Variants in GLIPR1L2 observed in about 807,000 individuals in gnomAD.
GLIPR1L2 encodes the protein GLIPR1-like protein 2.
Under a neutral mutation model 28.4 loss-of-function variants are expected in GLIPR1L2, and 21 were observed. The observed-to-expected ratio is 0.74, with a 90% CI of 0.52 to 1.06. The LOEUF is 1.06. Ranked by LOEUF, GLIPR1L2 falls within the 50% of genes least tolerant of loss-of-function variation. The pLI, the probability that GLIPR1L2 is intolerant of heterozygous loss-of-function variation, is 0.00. For missense variants in GLIPR1L2, 476 were observed against 416.9 expected (o/e 1.14, Z -1.23); for synonymous variants, 145 against 139.3 (o/e 1.04, Z -0.29).
chr12:75,411,492 T>A (rs749481995), intron 2 of GLIPR1L2, among the ~76,000 whole-genome samples: 19 of 151,864 alleles, frequency 1.3e-4, no homozygotes, highest in Non-Finnish European at 2.4e-4. Flanking sequence ...TTCATCAGTT[T>A]TTTTTTTCTG....
intron 3 of GLIPR1L2, among the ~76,000 whole-genome samples, chr12:75,417,677 G>T (rs1476815665): frequency 6.6e-6 from 1 of 151,910 alleles, no homozygotes; most frequent in Non-Finnish European, 1.5e-5. Flanking sequence ...GAATAGAGAA[G>T]AGCCAAGGAA....
At chr12:75,423,092 T>C (rs764775555) in intron 4 of GLIPR1L2, 103 bp downstream of exon 4, 2 of 1,590,378 alleles carry the variant, frequency 1.3e-6, no homozygotes, top group East Asian at 2.3e-5. Flanking sequence ...TATTATTCCT[T>C]TGATCAGAAT....
chr12:75,410,571 T>C lies in GLIPR1L2; in HGVS notation c.372T>C (p.Pro124=). Residue 124 remains proline (P), a synonymous_variant, in exon 2 of 6, where the codon CCT becomes CCC. Coordinates refer to ENST00000550916, the MANE Select transcript of GLIPR1L2 (RefSeq NM_001270396.2). ...YGIGENMWVG[P]ENEFTASIAI... ...TTGGTGAAAATATGTGGGTCGGCCC[T>C]GAAAATGAATTTACTGCAAGTATTG... is the stretch of plus-strand genomic sequence containing the variant. 6.2e-7 allele frequency: 1 copy of C among 1,612,380 alleles called. No individual in the cohort carries two copies. Among genetic ancestry groups the C allele is most frequent in the Non-Finnish European group, 8.5e-7 (1 of 1,178,942 alleles).
rs575580776 is a variant in GLIPR1L2, at chr12:75,418,079, G to A, written c.584+4378G>A. Among the ~76,000 whole-genome samples the A allele has an allele frequency of 2.0e-5, 3 of 152,126 alleles. No individual in the cohort carries two copies. In the East Asian group the frequency reaches 5.8e-4, roughly 29 times the overall value. On this transcript the variant is annotated intron_variant, in intron 3 of 5. Coordinates refer to ENST00000550916, the MANE Select transcript of GLIPR1L2 (RefSeq NM_001270396.2). ...TCATTTAGTTAAATATAATTTTGTT[G>A]TAAGTGTGCCAAAGACATTGCACAT...
chr12:75,407,955 A>T (rs897990354), intron 1 of GLIPR1L2, among the ~76,000 whole-genome samples: 5 of 152,006 alleles, frequency 3.3e-5, no homozygotes, highest in African/African-American at 1.2e-4. Context: ...AATGGAGTCC[A>T]CCAAATGCTA....
intron 3 of GLIPR1L2, among the ~76,000 whole-genome samples, chr12:75,422,255 A>G (rs1386466549): frequency 1.3e-5 from 2 of 151,328 alleles, no homozygotes; most frequent in East Asian, 1.9e-4. Flanking sequence ...TGGCCTCCCA[A>G]AGCACCAGCA....
Position 75,431,099 on chromosome 12 carries a change from GAAGA to G in GLIPR1L2, c.974_977del (p.Glu325GlyfsTer37), listed in dbSNP as rs756305062. On this transcript the variant is annotated frameshift_variant, in exon 6 of 6. Coordinates refer to ENST00000550916, the MANE Select transcript of GLIPR1L2 (RefSeq NM_001270396.2). LOFTEE classifies it low-confidence loss of function (END_TRUNC). ...AATAATGGAAATGGAGGAGGAAAAA[GAAGA>G]GAGAGAGGAGGAGGAGGAGGAAACA... is the stretch of plus-strand genomic sequence containing the variant. The G allele has an allele frequency of 7.7e-6, 9 of 1,165,136 alleles. No individual in the cohort carries two copies. Among genetic ancestry groups the G allele is most frequent in the Middle Eastern group, 2.1e-4 (1 of 4,684 alleles). The allele number at this position is 1,165,136 out of a possible 1,614,324, so 72.2% of individuals were successfully genotyped here.
intron 3 of GLIPR1L2, among the ~76,000 whole-genome samples, chr12:75,415,273 T>G (rs1041081519): frequency 3.6e-4 from 55 of 152,122 alleles, no homozygotes; most frequent in African/African-American, 1.3e-3. Context: ...AAGCACAGAG[T>G]GACATGATCT....
At chr12:75,394,906 A>G (rs925875973) in intron 1 of GLIPR1L2, among the ~76,000 whole-genome samples, 18 of 151,704 alleles carry the variant, frequency 1.2e-4, no homozygotes, top group African/African-American at 4.4e-4. Context: ...TCTAATATCC[A>G]CCTTAATTTC....
intron 4 of GLIPR1L2, among the ~76,000 whole-genome samples, chr12:75,430,417 C>G (rs2046079507): frequency 6.6e-6 from 1 of 152,076 alleles, no homozygotes; most frequent in African/African-American, 2.4e-5. Flanking sequence ...GGAGCTGGAA[C>G]AATATTTTAA....
At chr12:75,428,713 A>G (rs7958067) in intron 4 of GLIPR1L2, among the ~76,000 whole-genome samples, 53,018 of 152,108 alleles carry the variant, frequency 0.35, 9,612 homozygotes, top group East Asian at 0.46. Flanking sequence ...GGCCAGGCCC[A>G]GTCCCCGCTG....
chr12:75,423,144 C>A (rs2045996432), intron 4 of GLIPR1L2, 155 bp downstream of exon 4: 1 of 1,508,984 alleles, frequency 6.6e-7, no homozygotes. Flanking sequence ...ACAGTATCAT[C>A]TTTAGATTTT....
chr12:75,414,904 T>G (rs2045909261), intron 3 of GLIPR1L2, among the ~76,000 whole-genome samples: 1 of 152,062 alleles, frequency 6.6e-6, no homozygotes, highest in African/African-American at 2.4e-5. Flanking sequence ...CAAACACTTT[T>G]TAGTAAGTGA....
At chr12:75,405,741 C>G (rs11180489) in intron 1 of GLIPR1L2, among the ~76,000 whole-genome samples, 48,895 of 151,944 alleles carry the variant, frequency 0.32, 8,686 homozygotes, top group East Asian at 0.46. Flanking sequence ...ATGTCCCTCA[C>G]TCTTTCGGCC....
intron 1 of GLIPR1L2, among the ~76,000 whole-genome samples, chr12:75,397,694 G>A (rs893827519): frequency 2.0e-5 from 3 of 152,096 alleles, no homozygotes; most frequent in South Asian, 4.1e-4. Context: ...CCACTTGTAG[G>A]CATAGGATAG....
At chr12:75,415,106 G>A (rs755208141) in intron 3 of GLIPR1L2, among the ~76,000 whole-genome samples, 1 of 152,030 alleles carries the variant, frequency 6.6e-6, no homozygotes, top group Non-Finnish European at 1.5e-5. Context: ...CTCAGAGATT[G>A]GAATGAGTTT....
chr12:75,407,139 T>G (rs956446332), intron 1 of GLIPR1L2, among the ~76,000 whole-genome samples: 14 of 152,074 alleles, frequency 9.2e-5, no homozygotes, highest in African/African-American at 2.7e-4. Flanking sequence ...ATAATAATTT[T>G]TTATTCATTG....
intron 1 of GLIPR1L2, among the ~76,000 whole-genome samples, chr12:75,395,292 G>T (rs985394703): frequency 6.6e-6 from 1 of 151,966 alleles, no homozygotes; most frequent in African/African-American, 2.4e-5. Context: ...GGGTTATCAT[G>T]TATAATTCTT....
At chr12:75,398,029 T>TA (rs71078728) in intron 1 of GLIPR1L2, among the ~76,000 whole-genome samples, 10,892 of 138,186 alleles carry the variant, frequency 0.079, 447 homozygotes, top group South Asian at 0.14. Context: ...GCTGTGGATT[T>TA]AAAAAAAAAA....
Sources: gnomAD v4.1 joint callset for allele counts (sites outside exome capture counted in the v4.1 genomes callset) on GRCh38, gnomAD v4.1.1 for gene constraint, MANE v1.5 for transcripts, NCBI Gene and HGNC (gene_info 2026-07-23, HGNC 2026-07-21) for gene names.